The following PLAA variants were observed in gnomAD, a reference collection of about 807,000 sequenced individuals.
The protein encoded by PLAA is phospholipase A-2-activating protein.
In PLAA, 48 loss-of-function variants were observed where a neutral mutation model predicts 84.1. That is an observed-to-expected ratio of 0.57 (90% confidence interval 0.45 to 0.73). The LOEUF (loss-of-function observed/expected upper bound fraction) is 0.73. Among genes scored for constraint, PLAA ranks in the 30% least tolerant of loss-of-function variants. The pLI, the probability that PLAA is intolerant of heterozygous loss-of-function variation, is 0.00. For synonymous variants in PLAA, 392 were observed against 336.6 expected (o/e 1.16, Z -1.80); for missense variants, 903 against 954.7 (o/e 0.95, Z 0.71).
At chr9:26,910,813 G>T (rs1239477153) in intron 11 of PLAA, among the ~76,000 whole-genome samples, 2 of 151,672 alleles carry the variant, frequency 1.3e-5, no homozygotes, top group Non-Finnish European at 2.9e-5. Context: ...GTGAGCCACC[G>T]AGCCTGGTCT....
chr9:26,935,443 G>C (rs1033054400), intron 1 of PLAA, among the ~76,000 whole-genome samples: 7 of 152,146 alleles, frequency 4.6e-5, no homozygotes, highest in Admixed American at 4.6e-4. Flanking sequence ...CGTTAACATA[G>C]AGAACAAGGA....
chr9:26,922,395 C>T (rs967551073), intron 7 of PLAA, among the ~76,000 whole-genome samples: 2 of 151,764 alleles, frequency 1.3e-5, no homozygotes, highest in Non-Finnish European at 2.9e-5. Context: ...GTTTTACCCA[C>T]CATTGTTTTT....
At chr9:26,926,088 T>G (rs1345235174) in intron 5 of PLAA, 128 bp from the exon 6 acceptor site, 5 of 716,240 alleles carry the variant, frequency 7.0e-6, no homozygotes, top group Non-Finnish European at 1.1e-5. Context: ...AAATTTCATA[T>G]GTTTGTCACT....
At chr9:26,923,512 C>T (rs1824841507) in intron 6 of PLAA, among the ~76,000 whole-genome samples, 165 bp from the exon 7 acceptor site, 1 of 152,214 alleles carries the variant, frequency 6.6e-6, no homozygotes, top group African/African-American at 2.4e-5. Context: ...GCACATGCTA[C>T]TCTATTATGT....
At chr9:26,945,259 A>G (rs1825655201) in intron 1 of PLAA, among the ~76,000 whole-genome samples, 1 of 152,244 alleles carries the variant, frequency 6.6e-6, no homozygotes, top group Non-Finnish European at 1.5e-5. Flanking sequence ...AAACTAGTAC[A>G]GTCCCAAAAG....
chr9:26,908,279 G>A (rs929069065), intron 12 of PLAA, among the ~76,000 whole-genome samples: 1 of 147,060 alleles, frequency 6.8e-6, no homozygotes, highest in African/African-American at 2.5e-5. Context: ...CAATTCTCCT[G>A]CCTCAGCCTC....
intron 12 of PLAA, 143 bp from the exon 13 acceptor site, chr9:26,908,141 G>C: frequency 4.1e-6 from 2 of 483,300 alleles, no homozygotes; most frequent in Non-Finnish European, 7.2e-6. Flanking sequence ...ACACCATAAA[G>C]TAAGGATAAG....
intron 12 of PLAA, among the ~76,000 whole-genome samples, chr9:26,910,075 G>T (rs149483669): frequency 6.6e-6 from 1 of 152,122 alleles, no homozygotes; most frequent in Admixed American, 6.5e-5. Context: ...TGGGTGGGTA[G>T]AATTTACATT....
chr9:26,938,862 T>C (rs1825438089), intron 1 of PLAA, among the ~76,000 whole-genome samples: 1 of 152,118 alleles, frequency 6.6e-6, no homozygotes, highest in Non-Finnish European at 1.5e-5. Context: ...GCATTTAAAG[T>C]AATTATTACT....
chr9:26,928,560 C>A (rs984552222), intron 2 of PLAA, 152 bp from the exon 3 acceptor site: 2 of 662,222 alleles, frequency 3.0e-6, no homozygotes, highest in African/African-American at 3.6e-5. Flanking sequence ...CATAAGAGTA[C>A]AGTGGTCAAG....
intron 10 of PLAA, among the ~76,000 whole-genome samples, chr9:26,914,882 C>T (rs1443177470): frequency 1.3e-5 from 2 of 152,232 alleles, no homozygotes; most frequent in South Asian, 4.1e-4. Flanking sequence ...AGGGTTACTC[C>T]AAACTGGCTC....
At chr9:26,937,370 A>G (rs539626694) in intron 1 of PLAA, among the ~76,000 whole-genome samples, 62 of 152,284 alleles carry the variant, frequency 4.1e-4, no homozygotes, top group Non-Finnish European at 7.2e-4. Flanking sequence ...AACAACAACA[A>G]CAACAAAAAG....
intron 1 of PLAA, among the ~76,000 whole-genome samples, chr9:26,935,873 A>G (rs1825342564): frequency 6.6e-6 from 1 of 150,796 alleles, no homozygotes. Flanking sequence ...ATAATGTTAT[A>G]TATAATTATA....
At chr9:26,933,529 C>T (rs1825251908) in intron 2 of PLAA, among the ~76,000 whole-genome samples, 1 of 151,784 alleles carries the variant, frequency 6.6e-6, no homozygotes, top group African/African-American at 2.4e-5. Context: ...TGGCTCACGC[C>T]TGTAATCCCA....
chr9:26,918,134 C>A (rs575287994), intron 9 of PLAA, among the ~76,000 whole-genome samples: 6 of 151,982 alleles, frequency 3.9e-5, no homozygotes, highest in African/African-American at 9.7e-5. Context: ...TTTTTTCAGA[C>A]GGAATCTTGC....
At chr9:26,932,161 T>C (rs1010007128) in intron 2 of PLAA, among the ~76,000 whole-genome samples, 1 of 152,168 alleles carries the variant, frequency 6.6e-6, no homozygotes, top group African/African-American at 2.4e-5. Flanking sequence ...TCAAATGAAC[T>C]GTAAAAAAAG....
At chr9:26,942,448 A>G (rs919273200) in intron 1 of PLAA, among the ~76,000 whole-genome samples, 1 of 152,238 alleles carries the variant, frequency 6.6e-6, no homozygotes, top group Non-Finnish European at 1.5e-5. Flanking sequence ...ACGAACAAAG[A>G]CTTTGAAATT....
intron 2 of PLAA, among the ~76,000 whole-genome samples, chr9:26,934,475 CTTTTTTTTT>C (rs67138338): frequency 2.1e-5 from 2 of 93,340 alleles, no homozygotes; most frequent in Admixed American, 1.2e-4. Flanking sequence ...GAACACTTTA[CTTTTTTTTT>C]TTTTTTTTTT....
chr9:26,926,029 T>C (rs1824945734), intron 5 of PLAA, 69 bp from the exon 6 acceptor site: 2 of 1,272,920 alleles, frequency 1.6e-6, no homozygotes, highest in East Asian at 2.4e-5. Flanking sequence ...ACCATCTTTC[T>C]AGATACACTG....
Sources: gnomAD v4.1 joint callset for allele counts (sites outside exome capture counted in the v4.1 genomes callset) on GRCh38, gnomAD v4.1.1 for gene constraint, MANE v1.5 for transcripts, NCBI Gene and HGNC (gene_info 2026-07-23, HGNC 2026-07-21) for gene names.